DOCK8: variants seen among roughly 807,000 people sequenced by gnomAD.
The protein encoded by DOCK8 is dedicator of cytokinesis 8.
In DOCK8, 141 loss-of-function variants were observed where a neutral mutation model predicts 245.6. That is an observed-to-expected ratio of 0.57 (90% CI 0.50 to 0.66). The LOEUF is 0.66. Among genes scored for constraint, DOCK8 ranks in the 30% least tolerant of loss-of-function variants. The pLI is 0.00. For missense variants in DOCK8, 2,965 were observed against 2,603.4 expected (o/e 1.14, Z -3.02); for synonymous variants, 1,168 against 970.2 (o/e 1.20, Z -3.79).
chr9:215,343 G>T, intron 1 of DOCK8: 1 of 1,602,738 alleles, frequency 6.2e-7, no homozygotes, highest in East Asian at 2.3e-5. Flanking sequence ...CCGGGTCCCA[G>T]AAGGGTGATA....
Position 334,313 on chromosome 9 carries a change from C to T in DOCK8, c.1214C>T (p.Pro405Leu). Residue 405 changes from proline (P) to leucine (L), a missense_variant, in exon 11 of 48, where the codon CCC (proline) becomes CTC (leucine). By Grantham distance (98) the Pro-to-Leu change is moderately conservative (BLOSUM62 -3). This residue lies in a region of DOCK8 where 2,825 missense variants were observed against 2,453.5 expected (regional missense o/e 1.15). Transcript: ENST00000432829. ...TACCGGATGCCCTTTGCCTGGGCACCCATAAGCTTATCAAGCTTCTTCAAT... is the reference window on the plus strand; with the variant it reads ...TACCGGATGCCCTTTGCCTGGGCACTCATAAGCTTATCAAGCTTCTTCAAT... ...GKYRMPFAWAPISLSSFFNVS... is the reference protein window; with the variant it reads ...GKYRMPFAWALISLSSFFNVS... The T allele has an allele frequency of 1.2e-6, 2 of 1,614,172 alleles. No individual in the cohort carries two copies. Among genetic ancestry groups the T allele is most frequent in the South Asian group, 2.2e-5 (2 of 91,080 alleles).
chr9:219,551 C>A (rs185971135), intron 1 of DOCK8, among the ~76,000 whole-genome samples: 1 of 152,028 alleles, frequency 6.6e-6, no homozygotes, highest in African/African-American at 2.4e-5. Flanking sequence ...TTATGAAAGA[C>A]AAAAACAAGG....
At chr9:243,187 C>G (rs2047419054) in intron 1 of DOCK8, among the ~76,000 whole-genome samples, 1 of 152,150 alleles carries the variant, frequency 6.6e-6, no homozygotes, top group Non-Finnish European at 1.5e-5. Flanking sequence ...AAGCATGAAA[C>G]TTGATTCTGA....
chr9:408,641 G>T (rs2055551375), intron 28 of DOCK8, among the ~76,000 whole-genome samples: 1 of 152,180 alleles, frequency 6.6e-6, no homozygotes, highest in Admixed American at 6.5e-5. Context: ...CATTTTCTTA[G>T]TTGTCCTTTA....
intron 46 of DOCK8, chr9:454,223 G>C (rs1750018248): frequency 6.6e-6 from 1 of 152,126 alleles, no homozygotes; most frequent in African/African-American, 2.4e-5. Context: ...CCTGATCCAA[G>C]GTATCACTTT....
chr9:268,761 C>T (rs1376445323), intron 1 of DOCK8, among the ~76,000 whole-genome samples: 2 of 152,142 alleles, frequency 1.3e-5, no homozygotes, highest in Non-Finnish European at 2.9e-5. Context: ...GTTGTGTTGG[C>T]CCTCCATGGC....
intron 9 of DOCK8, among the ~76,000 whole-genome samples, chr9:332,103 T>G (rs1166433005): frequency 6.6e-6 from 1 of 152,206 alleles, no homozygotes; most frequent in Non-Finnish European, 1.5e-5. Flanking sequence ...AAAATACACA[T>G]AAGCAATGGG....
chr9:224,353 G>A (rs1301471245), intron 1 of DOCK8, among the ~76,000 whole-genome samples: 2 of 152,078 alleles, frequency 1.3e-5, no homozygotes, highest in African/African-American at 4.8e-5. Context: ...TTAAATACAT[G>A]GTTTTAAAAC....
chr9:406,116 C>T (rs543290511), intron 27 of DOCK8, among the ~76,000 whole-genome samples: 31 of 152,268 alleles, frequency 2.0e-4, no homozygotes, highest in African/African-American at 7.2e-4. Context: ...TACTGAGGAC[C>T]GGTAAATCTA....
chr9:397,350 C>CAAAA (rs36020302), intron 25 of DOCK8, among the ~76,000 whole-genome samples: 1 of 87,564 alleles, frequency 1.1e-5, no homozygotes. Flanking sequence ...GACTCTGTCT[C>CAAAA]AAAAAAAAAA....
chr9:430,311 T>C (rs763770794), intron 36 of DOCK8, among the ~76,000 whole-genome samples: 1 of 152,096 alleles, frequency 6.6e-6, no homozygotes, highest in African/African-American at 2.4e-5. Context: ...GAGGCAGATA[T>C]TGCAGTGAGC....
intron 4 of DOCK8, among the ~76,000 whole-genome samples, chr9:291,992 C>G (rs565942470): frequency 6.8e-6 from 1 of 146,344 alleles, no homozygotes; most frequent in Admixed American, 7.1e-5. Context: ...ATCACTTGAG[C>G]CCAGGAGGTC....
At chr9:333,493 C>G (rs1271689663) in intron 10 of DOCK8, among the ~76,000 whole-genome samples, 1 of 151,864 alleles carries the variant, frequency 6.6e-6, no homozygotes, top group Non-Finnish European at 1.5e-5. Context: ...CCCAGCTTCT[C>G]AGGAGGCTGA....
At chr9:313,217 G>A (rs2050202527) in intron 6 of DOCK8, among the ~76,000 whole-genome samples, 1 of 152,194 alleles carries the variant, frequency 6.6e-6, no homozygotes, top group Non-Finnish European at 1.5e-5. Flanking sequence ...CCTCTTTGAT[G>A]ATCTAAAGGG....
chr9:434,044 C>G, intron 38 of DOCK8, 69 bp downstream of exon 38: 1 of 1,090,594 alleles, frequency 9.2e-7, no homozygotes, highest in Non-Finnish European at 1.4e-6. Context: ...GGAGTTCTTA[C>G]TAATGTAATG....
chr9:376,525 C>T (rs1270046056), intron 19 of DOCK8, among the ~76,000 whole-genome samples: 1 of 152,200 alleles, frequency 6.6e-6, no homozygotes, highest in African/African-American at 2.4e-5. Context: ...AACCTAGTAT[C>T]TGCACTGTTG....
intron 7 of DOCK8, among the ~76,000 whole-genome samples, chr9:322,964 A>G (rs912472330): frequency 1.9e-4 from 29 of 152,012 alleles, no homozygotes; most frequent in African/African-American, 6.5e-4. Context: ...GTGGTGGCAC[A>G]TGCCTGTAGT....
intron 1 of DOCK8, among the ~76,000 whole-genome samples, chr9:235,329 G>C (rs2047219196): frequency 6.6e-6 from 1 of 152,166 alleles, no homozygotes; most frequent in African/African-American, 2.4e-5. Context: ...CTCCCAGTTG[G>C]GCTACTCGGG....
chr9:394,011 A>G (rs923230186), intron 24 of DOCK8, among the ~76,000 whole-genome samples: 2 of 152,186 alleles, frequency 1.3e-5, no homozygotes, highest in East Asian at 1.9e-4. Context: ...CTGGAGGCAG[A>G]TGAGACAATC....
Sources: allele counts gnomAD v4.1 joint callset (sites outside exome capture counted in the v4.1 genomes callset), GRCh38; gene constraint gnomAD v4.1.1; regional missense constraint gnomAD v4.1.1; transcripts MANE v1.5; gene names NCBI Gene and HGNC (gene_info 2026-07-23, HGNC 2026-07-21).